Variants in GALNT17 observed in about 807,000 individuals in gnomAD.
The protein encoded by GALNT17 is UDP-GalNAc:polypeptide N-acetylgalactosaminyltransferase-like 3.
A neutral mutation model predicts 63.7 loss-of-function variants in GALNT17; 29 were observed. The observed-to-expected ratio is 0.46, with a 90% CI of 0.34 to 0.62. The LOEUF (loss-of-function observed/expected upper bound fraction) is 0.62, where lower values mean the gene tolerates loss of function less well. Among genes scored for constraint, GALNT17 ranks in the 20% least tolerant of loss-of-function variants. GALNT17 has a pLI of 0.01. For synonymous variants in GALNT17, 305 were observed against 318.3 expected, an observed-to-expected ratio of 0.96 and a Z score of 0.45; for missense variants, 603 against 799.6, an observed-to-expected ratio of 0.75 and a Z score of 2.97.
intron 6 of GALNT17, among the ~76,000 whole-genome samples, chr7:71,595,302 T>C (rs549013320): frequency 1.3e-5 from 2 of 152,048 alleles, no homozygotes; most frequent in East Asian, 1.9e-4. Flanking sequence ...TGGTGTCACA[T>C]GTCTGTAGTC....
chr7:71,532,523 C>T (rs534965339), intron 5 of GALNT17, among the ~76,000 whole-genome samples: 51 of 152,156 alleles, frequency 3.4e-4, no homozygotes, highest in Non-Finnish European at 5.6e-4. Context: ...GGAGATGACA[C>T]GGATGTAAGT....
At chr7:71,704,759 T>C (rs1183652943) in intron 9 of GALNT17, among the ~76,000 whole-genome samples, 2 of 152,154 alleles carry the variant, frequency 1.3e-5, no homozygotes, top group East Asian at 1.9e-4. Context: ...ACAAGACAAT[T>C]CAATAAGGAA....
At chr7:71,317,845 A>G (rs544379341) in intron 1 of GALNT17, among the ~76,000 whole-genome samples, 1 of 152,240 alleles carries the variant, frequency 6.6e-6, no homozygotes, top group South Asian at 2.1e-4. Flanking sequence ...TGTTTAGATA[A>G]AGAAGAATTT....
chr7:71,684,445 C>T (rs1278752842), intron 9 of GALNT17, among the ~76,000 whole-genome samples: 2 of 152,212 alleles, frequency 1.3e-5, no homozygotes, highest in Non-Finnish European at 2.9e-5. Context: ...ACAGCTGACC[C>T]GCAGCCCAGG....
At chr7:71,443,974 G>A (rs768126406) in intron 5 of GALNT17, among the ~76,000 whole-genome samples, 32 of 152,244 alleles carry the variant, frequency 2.1e-4, no homozygotes, top group Middle Eastern at 3.4e-3. Context: ...TGATCTGCCC[G>A]CCTTGGCCTC....
intron 2 of GALNT17, among the ~76,000 whole-genome samples, chr7:71,348,260 CA>C (rs35041703): frequency 0.33 from 45,681 of 136,934 alleles, 6,935 homozygotes; most frequent in African/African-American, 0.41. Flanking sequence ...GACTCTGTCT[CA>C]AAAAAAAAAA....
In GALNT17 at chr7:71,207,109, GA is replaced by G. The variant is rs549350106; in HGVS notation, c.238+74081del. ...CGACAGAGCGAGACTCTGTCTCAAAGAAAAAAAAAAAAGACCGATCAGTAGC... is the reference window on the plus strand; with the variant it reads ...CGACAGAGCGAGACTCTGTCTCAAAGAAAAAAAAAAAGACCGATCAGTAGC... On this transcript the variant is annotated intron_variant, in intron 1 of 10. Transcript: ENST00000333538. Among the ~76,000 whole-genome samples the G allele has an allele frequency of 3.2e-3, 444 of 138,566 alleles. 2 individuals are homozygous for G. Among genetic ancestry groups the G allele is most frequent in the East Asian group, 4.0e-3 (19 of 4,746 alleles). The allele number at this position is 138,566 out of a possible 152,430, so 90.9% of individuals were successfully genotyped here.
chr7:71,644,541 A>AC (rs1790647715), intron 6 of GALNT17, among the ~76,000 whole-genome samples: 1 of 136,612 alleles, frequency 7.3e-6, no homozygotes, highest in Non-Finnish European at 1.5e-5. Flanking sequence ...AAAAAAAAAA[A>AC]AAAAAAAACA....
intron 2 of GALNT17, among the ~76,000 whole-genome samples, chr7:71,340,449 A>T (rs1027602580): frequency 1.3e-5 from 2 of 152,158 alleles, no homozygotes; most frequent in Non-Finnish European, 2.9e-5. Flanking sequence ...AGGCTGATAG[A>T]TCTGACAGCT....
intron 9 of GALNT17, among the ~76,000 whole-genome samples, chr7:71,678,122 T>C (rs1174460547): frequency 6.6e-6 from 1 of 151,476 alleles, no homozygotes; most frequent in Non-Finnish European, 1.5e-5. Context: ...ATTTATTTAT[T>C]TATTTATCTG....
intron 1 of GALNT17, among the ~76,000 whole-genome samples, chr7:71,265,999 A>C (rs373908871): frequency 2.6e-5 from 4 of 152,104 alleles, no homozygotes; most frequent in East Asian, 3.9e-4. Context: ...GGTGAATGTA[A>C]TTCATTCCTT....
At chr7:71,486,536 A>T (rs1172309326) in intron 5 of GALNT17, among the ~76,000 whole-genome samples, 2 of 151,766 alleles carry the variant, frequency 1.3e-5, no homozygotes, top group Admixed American at 6.6e-5. Flanking sequence ...ACAGTGCTGT[A>T]GGGGCGCTGT....
chr7:71,691,921 TTTC>T (rs1373080509), intron 9 of GALNT17, among the ~76,000 whole-genome samples: 1 of 152,104 alleles, frequency 6.6e-6, no homozygotes, highest in East Asian at 1.9e-4. Context: ...TCTTTCTTTT[TTTC>T]TTTTTTTGAA....
At chr7:71,229,027 G>A (rs944521420) in intron 1 of GALNT17, among the ~76,000 whole-genome samples, 1 of 152,166 alleles carries the variant, frequency 6.6e-6, no homozygotes. Context: ...GACCCGTGAC[G>A]TGAAAGGCAA....
chr7:71,236,066 A>C (rs1282441182), intron 1 of GALNT17, among the ~76,000 whole-genome samples: 5 of 152,118 alleles, frequency 3.3e-5, no homozygotes, highest in African/African-American at 1.2e-4. Flanking sequence ...CTGTAATCCC[A>C]GCTACTTGGG....
intron 7 of GALNT17, among the ~76,000 whole-genome samples, chr7:71,667,304 A>T (rs1377748406): frequency 6.6e-6 from 1 of 152,244 alleles, no homozygotes; most frequent in African/African-American, 2.4e-5. Context: ...TCAAGAATTA[A>T]AAAACCCCTT....
At chr7:71,482,438 C>T (rs902634958) in intron 5 of GALNT17, among the ~76,000 whole-genome samples, 1 of 152,196 alleles carries the variant, frequency 6.6e-6, no homozygotes, top group African/African-American at 2.4e-5. Context: ...GTGTGAGCCA[C>T]TGCACCTGCC....
chr7:71,411,801 C>T (rs887080840), intron 3 of GALNT17, among the ~76,000 whole-genome samples: 3 of 152,206 alleles, frequency 2.0e-5, no homozygotes, highest in Non-Finnish European at 4.4e-5. Context: ...TGCATTTTCT[C>T]TAATGCATTT....
At chr7:71,549,009 G>A (rs1255205449) in intron 5 of GALNT17, among the ~76,000 whole-genome samples, 1 of 152,168 alleles carries the variant, frequency 6.6e-6, no homozygotes, top group Non-Finnish European at 1.5e-5. Context: ...AGCCTCTGGG[G>A]GTTATGGATA....
Sources: allele counts gnomAD v4.1 joint callset (sites outside exome capture counted in the v4.1 genomes callset), GRCh38; gene constraint gnomAD v4.1.1; transcripts MANE v1.5; gene names NCBI Gene and HGNC (gene_info 2026-07-23, HGNC 2026-07-21).